SPATA6L: variants seen among roughly 807,000 people sequenced by gnomAD.
SPATA6L encodes spermatogenesis associated 6-like protein.
Under a neutral mutation model 49.2 loss-of-function variants are expected in SPATA6L, and 68 were observed. The observed-to-expected ratio is 1.38, with a 90% confidence interval of 1.14 to 1.69. The LOEUF is 1.69. Ranked by LOEUF, SPATA6L falls within the 40% of genes most tolerant of loss-of-function variation. The pLI is 0.00. For synonymous variants in SPATA6L, 198 were observed against 165.7 expected, an observed-to-expected ratio of 1.19 and a Z score of -1.50; for missense variants, 668 against 464.3, an observed-to-expected ratio of 1.44 and a Z score of -4.03.
At chr9:4,636,469 C>T (rs938294476) in intron 3 of SPATA6L, among the ~76,000 whole-genome samples, 14 of 152,070 alleles carry the variant, frequency 9.2e-5, no homozygotes, top group East Asian at 1.9e-4. Context: ...ATTACTGAGC[C>T]GAAGGACAGA....
chr9:4,599,544 T>C lies in SPATA6L; in HGVS notation c.*1267A>G, dbSNP rs1168849142. Among the ~76,000 whole-genome samples the C allele has an allele frequency of 6.6e-6, 1 of 152,214 alleles. No individual in the cohort carries two copies. Among genetic ancestry groups the C allele is most frequent in the Non-Finnish European group, 1.5e-5 (1 of 68,050 alleles). ...CTATAACAAAATGTCATAAACTGGG[T>C]AGCTTACAAACTACAGGAATTCATT... On this transcript the variant is annotated 3_prime_UTR_variant, in exon 12 of 12. Coordinates refer to ENST00000682582, the MANE Select transcript of SPATA6L (RefSeq NM_001353486.2).
At chr9:4,634,054 A>G (rs1326065723) in intron 4 of SPATA6L, among the ~76,000 whole-genome samples, 2 of 152,236 alleles carry the variant, frequency 1.3e-5, no homozygotes, top group African/African-American at 4.8e-5. Context: ...ATTTATGACC[A>G]TAAAGTTAAA....
intron 11 of SPATA6L, among the ~76,000 whole-genome samples, chr9:4,601,365 G>GA (rs1166023102): frequency 1.8e-5 from 1 of 55,140 alleles, no homozygotes. Flanking sequence ...TTCTTTACGG[G>GA]AGGTTTTTTT....
chr9:4,608,945 A>G (rs1480568646), intron 9 of SPATA6L, among the ~76,000 whole-genome samples: 2 of 152,162 alleles, frequency 1.3e-5, no homozygotes, highest in Non-Finnish European at 2.9e-5. Context: ...TAGACGCAAT[A>G]TAAAATGATA....
intron 1 of SPATA6L, chr9:4,663,456 G>C: frequency 3.3e-6 from 2 of 612,516 alleles, no homozygotes; most frequent in South Asian, 2.7e-5. Flanking sequence ...AGCCATATTA[G>C]GGAAAGCAAA....
intron 3 of SPATA6L, among the ~76,000 whole-genome samples, chr9:4,645,580 A>G (rs1171763314): frequency 6.6e-6 from 1 of 152,216 alleles, no homozygotes; most frequent in Admixed American, 6.5e-5. Flanking sequence ...CCATCAGTAC[A>G]TTAATCCATG....
intron 13 of SPATA6L, among the ~76,000 whole-genome samples, chr9:4,592,932 G>C (rs953180371): frequency 6.6e-6 from 1 of 152,014 alleles, no homozygotes; most frequent in Admixed American, 6.6e-5. Context: ...TGAATAAAGT[G>C]GTTTAAGAAA....
chr9:4,612,725 G>A (rs1218987372), intron 9 of SPATA6L, among the ~76,000 whole-genome samples: 2 of 152,222 alleles, frequency 1.3e-5, no homozygotes, highest in Admixed American at 6.5e-5. Flanking sequence ...AGTAGGAACT[G>A]AATAGCACAG....
Position 4,605,217 on chromosome 9 carries a change from T to C in SPATA6L, c.1089+130A>G, listed in dbSNP as rs571440799. 91 of 701,306 alleles carry C rather than the reference T, an allele frequency of 1.3e-4. No individual in the cohort carries two copies. The South Asian group carries it at 1.5e-3, about 11-fold the overall frequency. The allele number at this position is 701,306 out of a possible 1,614,324, so 43.4% of individuals were successfully genotyped here. On this transcript the variant is annotated intron_variant, in intron 10 of 11. Coordinates refer to ENST00000682582, the MANE Select transcript of SPATA6L (RefSeq NM_001353486.2). ...ATCTCAGGACAACAGGTAATCTCCT[T>C]GGTAAGCCTCACAATTTTCCACTTA...
At chr9:4,644,979 T>G (rs364802) in intron 3 of SPATA6L, among the ~76,000 whole-genome samples, 2 of 151,790 alleles carry the variant, frequency 1.3e-5, no homozygotes, top group East Asian at 1.9e-4. Context: ...CTGTTCAAAT[T>G]TACTCACCTC....
chr9:4,625,295 C>A (rs1253161202), intron 6 of SPATA6L, 32 bp downstream of exon 6: 3 of 1,597,140 alleles, frequency 1.9e-6, no homozygotes, highest in Non-Finnish European at 2.6e-6. Context: ...CTCACTATTG[C>A]AAAATGCTCT....
intron 3 of SPATA6L, among the ~76,000 whole-genome samples, chr9:4,637,621 A>G (rs949969945): frequency 1.3e-5 from 2 of 152,114 alleles, no homozygotes; most frequent in African/African-American, 4.8e-5. Context: ...AGCATCTTCA[A>G]CAAGCCCCCT....
At chr9:4,654,988 C>G (rs1180600924) in intron 3 of SPATA6L, among the ~76,000 whole-genome samples, 12 of 152,202 alleles carry the variant, frequency 7.9e-5, no homozygotes, top group Admixed American at 7.8e-4. Context: ...AAAGGTACCA[C>G]TCTCTTCTCT....
chr9:4,605,716 A>T (rs1195846775), intron 9 of SPATA6L, among the ~76,000 whole-genome samples: 1 of 152,048 alleles, frequency 6.6e-6, no homozygotes, highest in South Asian at 2.1e-4. Flanking sequence ...TGTTTTTCAG[A>T]TATTTCTCTC....
intron 3 of SPATA6L, among the ~76,000 whole-genome samples, chr9:4,649,435 T>C (rs186004637): frequency 6.6e-5 from 10 of 152,364 alleles, no homozygotes; most frequent in East Asian, 5.8e-4. Context: ...AAATTCTATA[T>C]AGTCAATTAA....
chr9:4,666,425 G>A lies in SPATA6L; in HGVS notation c.-175C>T. The A allele has an allele frequency of 1.5e-6, 1 of 663,334 alleles. No homozygotes were observed. Among genetic ancestry groups the A allele is most frequent in the South Asian group, 1.8e-5 (1 of 56,468 alleles). 41.1% of individuals were successfully genotyped at this position (663,334 alleles called of 1,614,324 possible). ...AGCCCAGGTCCCTCCCACCGGGACG[G>A]GTCTCTCACACTCGAAGCTGGAGTG... On this transcript the variant is annotated 5_prime_UTR_variant, in exon 1 of 12. Transcript: ENST00000682582.
intron 2 of SPATA6L, among the ~76,000 whole-genome samples, chr9:4,659,166 C>T (rs1181512202): frequency 1.3e-5 from 2 of 152,106 alleles, no homozygotes; most frequent in African/African-American, 4.8e-5. Flanking sequence ...CAGTTTGGTA[C>T]ATTCTTCATT....
intron 1 of SPATA6L, chr9:4,663,910 A>G (rs1008205715): frequency 1.8e-5 from 3 of 166,998 alleles, no homozygotes; most frequent in Admixed American, 6.5e-5. Context: ...AGATTATAAT[A>G]CTTGTCTTTC....
intron 3 of SPATA6L, among the ~76,000 whole-genome samples, chr9:4,646,123 T>TAC (rs112163366): frequency 0.024 from 3,658 of 149,484 alleles, 134 homozygotes; most frequent in African/African-American, 0.079. Flanking sequence ...CTTAGGGTTT[T>TAC]ACACACACAC....
Sources: allele counts gnomAD v4.1 joint callset (sites outside exome capture counted in the v4.1 genomes callset), GRCh38; gene constraint gnomAD v4.1.1; transcripts MANE v1.5; gene names NCBI Gene and HGNC (gene_info 2026-07-23, HGNC 2026-07-21).